Variants in SGCD observed in about 807,000 individuals in gnomAD.
SGCD encodes the protein sarcoglycan delta, also known as delta-sarcoglycan.
In SGCD, 18 loss-of-function variants were observed where a neutral mutation model predicts 36.6. The observed-to-expected ratio is 0.49, with a 90% CI of 0.34 to 0.73. SGCD has a LOEUF of 0.73. SGCD is among the 30% of genes least tolerant of loss of function. The probability of loss-of-function intolerance (pLI) is 0.01; values close to 1 mark genes in which losing one functional copy is unlikely to be tolerated. For synonymous variants in SGCD, 133 were observed against 130.6 expected (o/e 1.02, Z -0.12); for missense variants, 387 against 346.7 (o/e 1.12, Z -0.92).
chr5:156,558,180 C>T (rs1447799226), intron 4 of SGCD, among the ~76,000 whole-genome samples: 1 of 147,352 alleles, frequency 6.8e-6, no homozygotes, highest in Non-Finnish European at 1.5e-5. Context: ...GGTCTCTAGA[C>T]TCCAGGGACT....
chr5:156,590,966 G>T lies in SGCD; in HGVS notation c.382+1648G>T, dbSNP rs1581218903. On this transcript the variant is annotated intron_variant, in intron 5 of 8. Coordinates refer to ENST00000337851, the MANE Select transcript of SGCD (RefSeq NM_000337.6). ...CACTATTCTTGACTCTATCCCTCCA[G>T]TGGTATTTGGTATTTGTTTTCTGTC... Among the ~76,000 whole-genome samples the T allele has an allele frequency of 2.0e-5, 3 of 151,314 alleles. No individual in the cohort carries two copies. The East Asian group carries it at 5.8e-4, about 29-fold the overall frequency.
chr5:155,907,638 G>A (rs1756547255), intron 1 of SGCD, among the ~76,000 whole-genome samples: 1 of 152,092 alleles, frequency 6.6e-6, no homozygotes, highest in African/African-American at 2.4e-5. Flanking sequence ...GAAAAATGTA[G>A]CCAGAAGATG....
At chr5:156,025,428 C>A (rs918399397) in intron 1 of SGCD, among the ~76,000 whole-genome samples, 13 of 152,186 alleles carry the variant, frequency 8.5e-5, no homozygotes, top group Admixed American at 8.5e-4. Flanking sequence ...CCTTACCACT[C>A]TCAGTCAAAT....
intron 7 of SGCD, among the ~76,000 whole-genome samples, chr5:156,680,112 A>T (rs566382567): frequency 6.6e-6 from 1 of 152,296 alleles, no homozygotes; most frequent in South Asian, 2.1e-4. Flanking sequence ...AAGGGAAAAT[A>T]ATTATTAATA....
chr5:156,549,452 A>G (rs1007822075), intron 4 of SGCD, among the ~76,000 whole-genome samples: 11 of 152,352 alleles, frequency 7.2e-5, no homozygotes, highest in African/African-American at 2.6e-4. Context: ...CACCTGCTAG[A>G]TGCAGGGCAT....
the SGCD span, among the ~76,000 whole-genome samples, chr5:155,800,073 G>A: frequency 6.6e-6 from 1 of 151,852 alleles, no homozygotes; most frequent in African/African-American, 2.4e-5. Context: ...CCTGCCTTGG[G>A]CTCTCAAAGT....
At chr5:156,160,337 G>A (rs10059221) in intron 3 of SGCD, among the ~76,000 whole-genome samples, 51,293 of 151,078 alleles carry the variant, frequency 0.34, 9,956 homozygotes, top group East Asian at 0.57. Context: ...TAAATAATTG[G>A]TCTTCCGAGT....
chr5:156,740,532 AC>A (rs1756617746), intron 7 of SGCD, among the ~76,000 whole-genome samples: 1 of 152,248 alleles, frequency 6.6e-6, no homozygotes, highest in Non-Finnish European at 1.5e-5. Flanking sequence ...GAGTGGCAAC[AC>A]AGAAGTATAA....
intron 7 of SGCD, among the ~76,000 whole-genome samples, chr5:156,657,285 G>A (rs1763726106): frequency 6.6e-6 from 1 of 150,786 alleles, no homozygotes; most frequent in Admixed American, 6.6e-5. Flanking sequence ...TAGGGTACAT[G>A]TGCACAATGT....
chr5:156,687,524 G>A (rs554769107), intron 7 of SGCD, among the ~76,000 whole-genome samples: 6 of 152,242 alleles, frequency 3.9e-5, no homozygotes, highest in East Asian at 1.9e-4. Flanking sequence ...AATAGCTATC[G>A]GAGACTCTCT....
At chr5:155,840,588 T>TTGTGTGTGTG in the SGCD span, among the ~76,000 whole-genome samples, 6 of 146,978 alleles carry the variant, frequency 4.1e-5, no homozygotes, top group Non-Finnish European at 7.5e-5. Flanking sequence ...TGCACCCGGC[T>TTGTGTGTGTG]TGTGTGTGTG....
At chr5:156,361,380 T>C (rs1769786330) in intron 3 of SGCD, among the ~76,000 whole-genome samples, 1 of 152,226 alleles carries the variant, frequency 6.6e-6, no homozygotes, top group Non-Finnish European at 1.5e-5. Flanking sequence ...TCTGCTCTGT[T>C]ACTGATGATC....
intron 3 of SGCD, among the ~76,000 whole-genome samples, chr5:156,451,193 G>A (rs781285521): frequency 3.3e-5 from 5 of 151,832 alleles, no homozygotes; most frequent in Non-Finnish European, 7.4e-5. Context: ...TAGATGTGTG[G>A]GTCTGGGTTC....
Position 156,414,837 on chromosome 5 carries a change from G to A in SGCD, c.192+70160G>A, listed in dbSNP as rs541206774. 3.3e-5 allele frequency among the ~76,000 whole-genome samples: 5 copies of A among 152,270 alleles called. No individual in the cohort carries two copies. The South Asian group carries it at 8.3e-4, about 25-fold the overall frequency. ...AACAAAGTGATTTTTCTAGCATTTG[G>A]TATGTTACAATGAGCAATGATTGCT... On this transcript the variant is annotated intron_variant, in intron 3 of 8. Coordinates refer to ENST00000337851, the MANE Select transcript of SGCD (RefSeq NM_000337.6).
At chr5:156,249,238 T>C (rs538646856) in intron 3 of SGCD, among the ~76,000 whole-genome samples, 7 of 151,934 alleles carry the variant, frequency 4.6e-5, no homozygotes, top group Middle Eastern at 3.2e-3. Flanking sequence ...AAACTTGTCA[T>C]GGTGAGAAGG....
chr5:156,423,349 AATT>A (rs1773488481), intron 3 of SGCD, among the ~76,000 whole-genome samples: 4 of 15,064 alleles, frequency 2.7e-4, no homozygotes, highest in South Asian at 2.0e-3. Flanking sequence ...AATATATTAT[AATT>A]TTATTATAAT....
At chr5:156,399,543 G>A (rs1003864534) in intron 3 of SGCD, among the ~76,000 whole-genome samples, 1 of 152,132 alleles carries the variant, frequency 6.6e-6, no homozygotes, top group African/African-American at 2.4e-5. Context: ...TTGTACTTGG[G>A]GCTTCCCGAA....
intron 1 of SGCD, among the ~76,000 whole-genome samples, chr5:156,023,273 T>A (rs1408194593): frequency 1.3e-5 from 2 of 152,202 alleles, no homozygotes; most frequent in Non-Finnish European, 2.9e-5. Flanking sequence ...TGAATCCAGG[T>A]GGTACAAATG....
At chr5:155,940,975 G>C (rs1050826262) in intron 1 of SGCD, among the ~76,000 whole-genome samples, 1 of 152,110 alleles carries the variant, frequency 6.6e-6, no homozygotes, top group African/African-American at 2.4e-5. Context: ...GAATACCAGA[G>C]ACTGGTAATG....
Sources: gnomAD v4.1 joint callset for allele counts (sites outside exome capture counted in the v4.1 genomes callset) on GRCh38, gnomAD v4.1.1 for gene constraint, MANE v1.5 for transcripts, NCBI Gene and HGNC (gene_info 2026-07-23, HGNC 2026-07-21) for gene names.